The following GSDME variants were observed in gnomAD, a reference collection of about 807,000 sequenced individuals.
The protein encoded by GSDME is gasdermin E.
In GSDME, 44 loss-of-function variants were observed where a neutral mutation model predicts 47.5. That is an observed-to-expected ratio of 0.93 (90% confidence interval 0.73 to 1.19). GSDME has a LOEUF of 1.19. Ranked by LOEUF, GSDME falls within the 50% of genes most tolerant of loss-of-function variation. The pLI is 0.00. For missense variants in GSDME, 663 were observed against 604.2 expected (o/e 1.10, Z -1.02); for synonymous variants, 258 against 252.8 (o/e 1.02, Z -0.20).
chr7:24,738,252 A>G (rs2158063), intron 3 of GSDME, among the ~76,000 whole-genome samples: 72,450 of 151,972 alleles, frequency 0.48, 19,332 homozygotes, highest in East Asian at 0.83. Flanking sequence ...AAAACTATTA[A>G]AGCCAATAAA....
intron 1 of GSDME, among the ~76,000 whole-genome samples, chr7:24,755,486 C>T (rs570982663): frequency 3.3e-5 from 5 of 152,224 alleles, no homozygotes; most frequent in Non-Finnish European, 7.3e-5. Context: ...CCCAAATCAC[C>T]TACTACATGC....
Position 24,744,726 on chromosome 7 carries a change from G to A in GSDME, c.240C>T (p.Tyr80=), listed in dbSNP as rs1309515410. The A allele has an allele frequency of 7.4e-6, 12 of 1,613,916 alleles. No individual in the cohort carries two copies. The highest frequency in any genetic ancestry group is 1.6e-4 in the Middle Eastern group (1 of 6,084). Residue 80 remains tyrosine, a synonymous_variant, in exon 3 of 10, where the codon TAC becomes TAT. Transcript: ENST00000645220. The surrounding 1 kb of genome is among the most constrained non-coding windows in gnomAD (Gnocchi z 4.5). ...PVVVESDFVK[Y]EGKFANHVSG... ...TCACGTGGTTTGCAAACTTGCCCTC[G>A]TATTTCACAAAGTCCGACTCCACGA...
intron 4 of GSDME, 77 bp from the exon 5 acceptor site, chr7:24,717,451 C>T (rs536222400): frequency 2.3e-5 from 37 of 1,604,262 alleles, no homozygotes; most frequent in East Asian, 1.1e-4. Flanking sequence ...CAGCCAGCCT[C>T]GTGCCTTATA....
At chr7:24,795,223 C>T in the GSDME span, among the ~76,000 whole-genome samples, 11 of 152,172 alleles carry the variant, frequency 7.2e-5, no homozygotes, top group African/African-American at 2.7e-4. Context: ...GCTGAAAGCA[C>T]TCTCAGGATT....
upstream of GSDME, among the ~76,000 whole-genome samples, chr7:24,761,485 T>G (rs965542263): frequency 1.3e-5 from 2 of 152,236 alleles, no homozygotes; most frequent in Admixed American, 6.5e-5. The surrounding 1 kb of genome is among the most constrained non-coding windows in gnomAD (Gnocchi z 4.4). Context: ...AAGTCTCTTA[T>G]AAGGGCACTA....
At chr7:24,782,726 CTGT>C in the GSDME span, among the ~76,000 whole-genome samples, 2 of 152,206 alleles carry the variant, frequency 1.3e-5, no homozygotes, top group African/African-American at 4.8e-5. Flanking sequence ...TCTCCAGCAC[CTGT>C]TGTTTCCTGA....
the GSDME span, among the ~76,000 whole-genome samples, chr7:24,794,573 C>T: frequency 2.0e-5 from 3 of 152,116 alleles, no homozygotes; most frequent in East Asian, 3.9e-4. Flanking sequence ...TGTGCCATAC[C>T]TTTGAAACTA....
At position 24,732,104 on chromosome 7, in the gene GSDME, G is replaced by A. The variant is rs1332828936; in HGVS notation, c.404+12458C>T. 5.3e-5 allele frequency among the ~76,000 whole-genome samples: 8 copies of A among 152,212 alleles called. No individual in the cohort carries two copies. The highest frequency in any genetic ancestry group is 4.6e-4 in the Admixed American group (7 of 15,286). Reference sequence around the variant, plus strand: ...CACAGCAAAAAGAGAATCAGCGACAGGACCAGAATCAGGGAACTCATGTTC... The same window carrying A: ...CACAGCAAAAAGAGAATCAGCGACAAGACCAGAATCAGGGAACTCATGTTC... On this transcript the variant is annotated intron_variant, in intron 3 of 9. Transcript: ENST00000645220. The surrounding 1 kb of genome is among the most constrained non-coding windows in gnomAD (Gnocchi z 4.8).
rs192882879 is a variant in GSDME, at chr7:24,702,997, C to G, written c.1184-164G>C. 74 of 605,216 alleles carry G rather than the reference C, an allele frequency of 1.2e-4. No homozygotes were observed. In the East Asian group the frequency reaches 2.2e-3, roughly 18 times the overall value. The allele number at this position is 605,216 out of a possible 1,614,324, so 37.5% of individuals were successfully genotyped here. A position where few individuals can be genotyped will look rare whatever the true frequency, so the allele number is the denominator to read the frequency against. On this transcript the variant is annotated intron_variant, in intron 8 of 9. Transcript: ENST00000645220. ...TAGTGAATGAATGGTGCTAAATGGG[C>G]AGCAAAGACCTTGTAGAAAACAGAT...
rs557445774 is a variant in GSDME at position 24,732,647 on chromosome 7, T to C, written c.404+11915A>G. Among the ~76,000 whole-genome samples, 39 of 152,230 alleles carry C rather than the reference T, an allele frequency of 2.6e-4. No homozygotes were observed. Among genetic ancestry groups the C allele is most frequent in the African/African-American group, 9.4e-4 (39 of 41,542 alleles). ...TGTAGGAGGGAGAGCACAGCAACTG[T>C]GGGACTTTGCATGGAACTCAGTGCT... On this transcript the variant is annotated intron_variant, in intron 3 of 9. Coordinates refer to ENST00000645220, the MANE Select transcript of GSDME (RefSeq NM_001127453.2). This position sits in a 1 kb window ranked among gnomAD's most constrained non-coding sequence, Gnocchi z 4.8.
rs1790642024 is a variant in GSDME, at chr7:24,745,538, T to C, written c.212-784A>G. Among the ~76,000 whole-genome samples the C allele has an allele frequency of 6.6e-6, 1 of 152,234 alleles. No homozygotes were observed. Among genetic ancestry groups the C allele is most frequent in the Non-Finnish European group, 1.5e-5 (1 of 68,044 alleles). On this transcript the variant is annotated intron_variant, in intron 2 of 9. Transcript: ENST00000645220. This position sits in a 1 kb window ranked among gnomAD's most constrained non-coding sequence, Gnocchi z 4.4. Reference sequence around the variant, plus strand: ...TTTTTAAAATGATAAATGTCTGATCTCATATCTGAACTGTCAGCCTTCTCA... The same window carrying C: ...TTTTTAAAATGATAAATGTCTGATCCCATATCTGAACTGTCAGCCTTCTCA...
the GSDME span, among the ~76,000 whole-genome samples, chr7:24,791,198 C>T: frequency 1.5e-3 from 234 of 152,126 alleles, no homozygotes; most frequent in African/African-American, 5.4e-3. This position sits in a 1 kb window ranked among gnomAD's most constrained non-coding sequence, Gnocchi z 4.8. Context: ...TCCTTTTCAC[C>T]GTGGCTGCAA....
chr7:24,762,382 C>T (rs1445539361), upstream of GSDME, among the ~76,000 whole-genome samples: 12 of 152,008 alleles, frequency 7.9e-5, no homozygotes, highest in Admixed American at 5.9e-4. Context: ...GTGATGAATA[C>T]CAGTAGTCAG....
At chr7:24,784,161 T>C in the GSDME span, among the ~76,000 whole-genome samples, 1 of 152,184 alleles carries the variant, frequency 6.6e-6, no homozygotes, top group African/African-American at 2.4e-5. Context: ...GGTGTGTGTT[T>C]CTTGGAAATT....
chr7:24,740,394 G>A (rs1242376298), intron 3 of GSDME, among the ~76,000 whole-genome samples: 4 of 151,918 alleles, frequency 2.6e-5, no homozygotes, highest in African/African-American at 9.7e-5. Flanking sequence ...GATACCTAAA[G>A]AATGAATAAA....
chr7:24,722,977 C>G (rs1036584250), intron 3 of GSDME, among the ~76,000 whole-genome samples: 7 of 152,160 alleles, frequency 4.6e-5, no homozygotes, highest in African/African-American at 1.7e-4. Context: ...TTCGGGTGAC[C>G]AGAAACGTGT....
At chr7:24,783,588 A>C in the GSDME span, among the ~76,000 whole-genome samples, 2 of 152,198 alleles carry the variant, frequency 1.3e-5, no homozygotes, top group African/African-American at 4.8e-5. Flanking sequence ...GAAGGTTTAC[A>C]AGCAGATTAA....
rs1789470159 is a variant in GSDME, at chr7:24,714,473, A to AGTGAATC, written c.697+2774_697+2780dup. Among the ~76,000 whole-genome samples the AGTGAATC allele has an allele frequency of 6.6e-6, 1 of 152,200 alleles. No individual in the cohort carries two copies. Among genetic ancestry groups the AGTGAATC allele is most frequent in the South Asian group, 2.1e-4 (1 of 4,824 alleles). ...TAGCAGAACTGGTTTAAAATCAGGC[A>AGTGAATC]GTGAATCACCCAGAACGATGACCTG... On this transcript the variant is annotated intron_variant, in intron 5 of 9. Coordinates refer to ENST00000645220, the MANE Select transcript of GSDME (RefSeq NM_001127453.2). This position sits in a 1 kb window ranked among gnomAD's most constrained non-coding sequence, Gnocchi z 5.0.
chr7:24,722,106 T>C (rs945732000), intron 3 of GSDME, among the ~76,000 whole-genome samples: 1 of 152,178 alleles, frequency 6.6e-6, no homozygotes, highest in Non-Finnish European at 1.5e-5. Context: ...ACAGAGGTGG[T>C]GAGTGTGCTC....
Sources: allele counts gnomAD v4.1 joint callset (sites outside exome capture counted in the v4.1 genomes callset), GRCh38; gene constraint gnomAD v4.1.1; non-coding constraint Gnocchi (gnomAD v3.1); transcripts MANE v1.5; gene names NCBI Gene and HGNC (gene_info 2026-07-23, HGNC 2026-07-21).